The following LGR6 variants were observed in gnomAD, a reference collection of about 807,000 sequenced individuals.
LGR6 encodes the protein leucine-rich repeat-containing G protein-coupled receptor 6.
Under a neutral mutation model 69.4 loss-of-function variants are expected in LGR6, and 45 were observed. The ratio of observed to expected loss-of-function variants is 0.65; its 90% CI spans 0.51 to 0.83. The LOEUF (loss-of-function observed/expected upper bound fraction) is 0.83, where lower values mean the gene tolerates loss of function less well. Ranked by LOEUF, LGR6 falls within the 40% of genes least tolerant of loss-of-function variation. The pLI, the probability that LGR6 is intolerant of heterozygous loss-of-function variation, is 0.00. For missense variants in LGR6, 1,108 were observed against 1,246.7 expected, an observed-to-expected ratio of 0.89 and a Z score of 1.68; for synonymous variants, 538 against 555.0, an observed-to-expected ratio of 0.97 and a Z score of 0.43.
intron 4 of LGR6, among the ~76,000 whole-genome samples, chr1:202,272,008 A>C (rs1665147068): frequency 6.6e-6 from 1 of 152,118 alleles, no homozygotes; most frequent in Non-Finnish European, 1.5e-5. Flanking sequence ...ACAAAAGGTT[A>C]AAGGAGGGTA....
At chr1:202,301,453 T>C (rs1303314666) in intron 9 of LGR6, among the ~76,000 whole-genome samples, 1 of 152,226 alleles carries the variant, frequency 6.6e-6, no homozygotes, top group African/African-American at 2.4e-5. Context: ...CTGTGGCTTC[T>C]TCCCAGGTCT....
intron 4 of LGR6, among the ~76,000 whole-genome samples, chr1:202,251,879 AAGAG>A (rs35703788): frequency 6.6e-6 from 1 of 151,706 alleles, no homozygotes; most frequent in Non-Finnish European, 1.5e-5. Flanking sequence ...GGAAAGGGGA[AAGAG>A]AGAGAAGAGG....
intron 1 of LGR6, among the ~76,000 whole-genome samples, chr1:202,220,819 C>A (rs1660104592): frequency 6.6e-6 from 1 of 151,876 alleles, no homozygotes; most frequent in Non-Finnish European, 1.5e-5. Flanking sequence ...TGGCCTTTTC[C>A]TGAAAGCAGA....
chr1:202,309,072 G>T lies in LGR6; in HGVS notation c.1302G>T (p.Leu434=), dbSNP rs1339940250. The T allele has an allele frequency of 1.2e-6, 2 of 1,614,090 alleles. No individual in the cohort carries two copies. The highest frequency in any genetic ancestry group is 4.5e-5 in the East Asian group (2 of 44,884). The change falls in exon 15 of 18, where the codon CTG becomes CTT. Residue 434 remains leucine, a synonymous_variant. Transcript: ENST00000367278. ...CTAGGGACCTGACAGACAACCAGCT[G>T]ACCACACTGCCCCTGGCTGGACTTG... ...LVKLDLTDNQ[L]TTLPLAGLGG... is the part of the protein sequence containing the mutation.
At chr1:202,285,460 C>T (rs1666325153) in intron 6 of LGR6, among the ~76,000 whole-genome samples, 1 of 152,218 alleles carries the variant, frequency 6.6e-6, no homozygotes, top group Non-Finnish European at 1.5e-5. Context: ...AGGTGCAAGT[C>T]ACCTGACTTC....
intron 4 of LGR6, among the ~76,000 whole-genome samples, chr1:202,253,371 C>T (rs1026215232): frequency 2.0e-5 from 3 of 151,772 alleles, no homozygotes; most frequent in South Asian, 2.1e-4. Context: ...GGCGCGATCT[C>T]GGCTCACTGC....
chr1:202,269,096 G>T (rs1257382011), intron 4 of LGR6, among the ~76,000 whole-genome samples: 1 of 152,070 alleles, frequency 6.6e-6, no homozygotes, highest in East Asian at 1.9e-4. Context: ...TCTAGAGAGG[G>T]TGTCTTGCTA....
At chr1:202,205,719 A>C (rs1659187607) in intron 1 of LGR6, among the ~76,000 whole-genome samples, 1 of 144,500 alleles carries the variant, frequency 6.9e-6, no homozygotes, top group East Asian at 2.1e-4. Flanking sequence ...CCTAACACAC[A>C]CACCTTCTTC....
chr1:202,301,115 C>A (rs1011911535), intron 8 of LGR6, 49 bp from the exon 9 acceptor site: 4 of 1,540,720 alleles, frequency 2.6e-6, no homozygotes, highest in Non-Finnish European at 2.7e-6. Flanking sequence ...TTAATCCCAG[C>A]AGAAAGGCCT....
At chr1:202,208,965 G>C (rs1659362090) in intron 1 of LGR6, among the ~76,000 whole-genome samples, 1 of 152,082 alleles carries the variant, frequency 6.6e-6, no homozygotes, top group Non-Finnish European at 1.5e-5. Context: ...TTGGCCTGGG[G>C]AGCCCTTCTG....
intron 4 of LGR6, among the ~76,000 whole-genome samples, chr1:202,273,110 T>C (rs1665244369): frequency 6.6e-6 from 1 of 152,218 alleles, no homozygotes. Flanking sequence ...CTTGGGGGGC[T>C]TAATCTCTCT....
At chr1:202,315,399 G>A (rs942401138) in intron 17 of LGR6, among the ~76,000 whole-genome samples, 36 of 152,152 alleles carry the variant, frequency 2.4e-4, no homozygotes, top group African/African-American at 7.7e-4. Flanking sequence ...ACCATCTAAC[G>A]CTTATAGTTG....
chr1:202,318,861 A>G lies in LGR6; in HGVS notation c.2558A>G (p.Tyr853Cys), dbSNP rs148907956. The G allele has an allele frequency of 1.7e-5, 27 of 1,613,636 alleles. No individual in the cohort carries two copies. The African/African-American group carries it at 3.5e-4, about 21-fold the overall frequency. The change falls in exon 18 of 18, where the codon TAT (tyrosine) becomes TGT (cysteine). Residue 853 changes from tyrosine (Y) to cysteine (C), a missense_variant. Tyr to Cys is a radical substitution (Grantham distance 194). Coordinates refer to ENST00000367278, the MANE Select transcript of LGR6 (RefSeq NM_001017403.2). ...PRAGDSGPLA[Y>C]AAAGELEKSS... is the part of the protein sequence containing the mutation. ...GCAGGGGACTCAGGGCCCCTAGCCT[A>G]TGCTGCGGCCGGGGAGCTGGAGAAG...
intron 4 of LGR6, among the ~76,000 whole-genome samples, chr1:202,255,976 C>T (rs774909391): frequency 3.9e-5 from 6 of 152,152 alleles, no homozygotes; most frequent in Non-Finnish European, 7.4e-5. Flanking sequence ...CAACTATCAC[C>T]AATAAGTCTA....
chr1:202,211,004 G>C (rs561149321), intron 1 of LGR6, among the ~76,000 whole-genome samples: 1 of 152,206 alleles, frequency 6.6e-6, no homozygotes, highest in Non-Finnish European at 1.5e-5. Context: ...GGCTGGTTGT[G>C]GGGGGACTTA....
intron 1 of LGR6, among the ~76,000 whole-genome samples, chr1:202,199,173 CG>C (rs986987233): frequency 8.2e-4 from 124 of 152,096 alleles, no homozygotes; most frequent in African/African-American, 2.9e-3. Flanking sequence ...GAAAGCTCCC[CG>C]GGAGAGCTGC....
chr1:202,283,891 C>A (rs776371805), intron 6 of LGR6, among the ~76,000 whole-genome samples: 3 of 152,246 alleles, frequency 2.0e-5, no homozygotes, highest in Non-Finnish European at 4.4e-5. Context: ...GGCTTCCAAC[C>A]CTGGCTTTGC....
intron 10 of LGR6, among the ~76,000 whole-genome samples, chr1:202,303,983 T>C (rs1185999938): frequency 6.6e-6 from 1 of 152,204 alleles, no homozygotes; most frequent in Admixed American, 6.5e-5. Flanking sequence ...AAAGATGACC[T>C]TGGCCTTGGG....
chr1:202,294,543 C>G (rs788817), intron 6 of LGR6, among the ~76,000 whole-genome samples: 74,393 of 152,016 alleles, frequency 0.49, 19,046 homozygotes, highest in East Asian at 0.71. Context: ...TATGTCTGGG[C>G]CCTTGGTATT....
Sources: gnomAD v4.1 joint callset for allele counts (sites outside exome capture counted in the v4.1 genomes callset) on GRCh38, gnomAD v4.1.1 for gene constraint, MANE v1.5 for transcripts, NCBI Gene and HGNC (gene_info 2026-07-23, HGNC 2026-07-21) for gene names.